Variants in ANKFN1 observed in about 807,000 individuals in gnomAD.
ANKFN1 encodes ankyrin repeat and fibronectin type-III domain-containing protein 1.
Under a neutral mutation model 108.7 loss-of-function variants are expected in ANKFN1, and 74 were observed. That is an observed-to-expected ratio of 0.68 (90% CI 0.56 to 0.83). The LOEUF (loss-of-function observed/expected upper bound fraction) is 0.83, where lower values mean the gene tolerates loss of function less well. ANKFN1 is among the 40% of genes least tolerant of loss of function. The pLI, the probability that ANKFN1 is intolerant of heterozygous loss-of-function variation, is 0.00. For missense variants in ANKFN1, 1,505 were observed against 1,382.3 expected (o/e 1.09, Z -1.41); for synonymous variants, 547 against 516.2 (o/e 1.06, Z -0.81).
At chr17:56,477,424 G>A (rs931701961) in intron 15 of ANKFN1, 64 bp from the exon 16 acceptor site, 5 of 1,437,526 alleles carry the variant, frequency 3.5e-6, no homozygotes, top group Middle Eastern at 3.8e-4. Context: ...AAAGGAAAAG[G>A]TTTTGAGATT....
chr17:56,393,222 A>G (rs2144886956), intron 8 of ANKFN1, among the ~76,000 whole-genome samples: 1 of 151,960 alleles, frequency 6.6e-6, no homozygotes, highest in East Asian at 1.9e-4. Context: ...TCCACCTAAA[A>G]CTCTTCCTAC....
At chr17:56,135,050 G>T (rs1216365803) in intron 4 of ANKFN1, among the ~76,000 whole-genome samples, 1 of 152,118 alleles carries the variant, frequency 6.6e-6, no homozygotes, top group Non-Finnish European at 1.5e-5. Context: ...TAGAAAGCCA[G>T]ATATTATTAT....
chr17:56,104,671 C>T (rs923960969), intron 4 of ANKFN1, among the ~76,000 whole-genome samples: 8 of 152,190 alleles, frequency 5.3e-5, no homozygotes, highest in Non-Finnish European at 1.0e-4. Flanking sequence ...ATGACAAATA[C>T]AAGACAGATA....
chr17:56,223,934 C>G (rs996133220), intron 2 of ANKFN1, among the ~76,000 whole-genome samples: 12 of 152,204 alleles, frequency 7.9e-5, no homozygotes, highest in African/African-American at 2.9e-4. Flanking sequence ...AAGTACAGTG[C>G]TACTCTTATT....
intron 4 of ANKFN1, among the ~76,000 whole-genome samples, chr17:56,051,768 A>AC (rs972032947): frequency 4.0e-5 from 6 of 150,900 alleles, no homozygotes; most frequent in Non-Finnish European, 7.4e-5. Context: ...ATTCTTATAC[A>AC]CCAACAACAG....
In ANKFN1 at chr17:56,510,788, T is replaced by C; in HGVS notation, c.2960T>C (p.Val987Ala). Residue 987 changes from valine (V) to alanine (A), a missense_variant, in exon 21 of 21, where the codon GTG (valine) becomes GCG (alanine). Transcript: ENST00000682825. ...ACACCCAAGAACCACGCCAAGACTGTGTCCGGTGGGCGGCCCCCGCTAGGC... is the reference window on the plus strand; with the variant it reads ...ACACCCAAGAACCACGCCAAGACTGCGTCCGGTGGGCGGCCCCCGCTAGGC... ...GFTPKNHAKT[V>A]SGGRPPLGFL... 1 of 1,536,118 alleles carries C rather than the reference T, an allele frequency of 6.5e-7. No homozygotes were observed. The highest frequency in any genetic ancestry group is 8.7e-7 in the Non-Finnish European group (1 of 1,146,898).
intron 1 of ANKFN1, among the ~76,000 whole-genome samples, chr17:56,170,807 T>TATACAC (rs1361307404): frequency 9.8e-5 from 6 of 61,458 alleles, no homozygotes; most frequent in Admixed American, 4.2e-4. Flanking sequence ...TATATATATA[T>TATACAC]ACACACACAC....
At chr17:56,468,559 G>A (rs2050210878) in intron 15 of ANKFN1, among the ~76,000 whole-genome samples, 1 of 152,062 alleles carries the variant, frequency 6.6e-6, no homozygotes, top group South Asian at 2.1e-4. Flanking sequence ...AGAGAAGGAA[G>A]GACCCAGTTG....
At chr17:56,327,270 A>C (rs2045544894) in intron 4 of ANKFN1, among the ~76,000 whole-genome samples, 1 of 151,990 alleles carries the variant, frequency 6.6e-6, no homozygotes, top group Admixed American at 6.6e-5. Flanking sequence ...CGCCCCCACC[A>C]GTCTCCTTAG....
At chr17:56,296,616 G>A (rs760184748) in intron 3 of ANKFN1, among the ~76,000 whole-genome samples, 2 of 152,160 alleles carry the variant, frequency 1.3e-5, no homozygotes, top group Non-Finnish European at 2.9e-5. Context: ...CCCAGGAGTC[G>A]GAGGTTGCAG....
intron 3 of ANKFN1, among the ~76,000 whole-genome samples, chr17:56,239,834 C>T (rs1917449413): frequency 6.6e-6 from 1 of 152,094 alleles, no homozygotes; most frequent in African/African-American, 2.4e-5. Context: ...ACTTCTGGTT[C>T]CATTAGATGT....
chr17:56,383,242 C>T (rs746424156), intron 8 of ANKFN1, among the ~76,000 whole-genome samples: 2 of 151,986 alleles, frequency 1.3e-5, no homozygotes, highest in South Asian at 2.1e-4. Context: ...GGGTACATAA[C>T]GAAATGAAGG....
chr17:56,429,448 A>G (rs1443356803), intron 8 of ANKFN1, among the ~76,000 whole-genome samples: 1 of 152,218 alleles, frequency 6.6e-6, no homozygotes, highest in Non-Finnish European at 1.5e-5. Flanking sequence ...AAATCCTTCC[A>G]TTGAGACAAT....
intron 15 of ANKFN1, among the ~76,000 whole-genome samples, chr17:56,470,511 G>T (rs1483718094): frequency 6.6e-6 from 1 of 152,090 alleles, no homozygotes; most frequent in African/African-American, 2.4e-5. Flanking sequence ...TTTAAGCAAT[G>T]CTAGGCTGCC....
chr17:56,313,675 T>C (rs2045111500), intron 3 of ANKFN1, among the ~76,000 whole-genome samples: 1 of 152,216 alleles, frequency 6.6e-6, no homozygotes, highest in Non-Finnish European at 1.5e-5. Flanking sequence ...ATCTATCAAA[T>C]GATAACAACT....
chr17:56,320,224 T>C (rs1021561834), intron 3 of ANKFN1, among the ~76,000 whole-genome samples: 1 of 152,218 alleles, frequency 6.6e-6, no homozygotes, highest in African/African-American at 2.4e-5. Context: ...TGATTGGTAA[T>C]ATGACAAACC....
chr17:56,196,364 C>A (rs1913506429), intron 1 of ANKFN1, among the ~76,000 whole-genome samples: 1 of 152,248 alleles, frequency 6.6e-6, no homozygotes, highest in East Asian at 1.9e-4. Flanking sequence ...TCAAGTAATT[C>A]TACTAGGGAA....
At chr17:56,358,241 A>G (rs2046424120) in intron 6 of ANKFN1, among the ~76,000 whole-genome samples, 1 of 152,196 alleles carries the variant, frequency 6.6e-6, no homozygotes, top group Non-Finnish European at 1.5e-5. Context: ...CACTATGCCA[A>G]CCAAGTATCC....
At chr17:56,363,661 A>C (rs1315467855) in intron 6 of ANKFN1, among the ~76,000 whole-genome samples, 1 of 152,206 alleles carries the variant, frequency 6.6e-6, no homozygotes, top group Non-Finnish European at 1.5e-5. Context: ...CTAAGTTATG[A>C]AATTAACCTA....
Sources: gnomAD v4.1 joint callset for allele counts (sites outside exome capture counted in the v4.1 genomes callset) on GRCh38, gnomAD v4.1.1 for gene constraint, MANE v1.5 for transcripts, NCBI Gene and HGNC (gene_info 2026-07-23, HGNC 2026-07-21) for gene names.